Variants in REDIC1 observed in about 807,000 individuals in gnomAD.
REDIC1 encodes HEI10 Interacting Protein 1.
the REDIC1 span, among the ~76,000 whole-genome samples, chr12:39,791,253 C>T: frequency 2.9e-5 from 4 of 139,852 alleles, no homozygotes; most frequent in Non-Finnish European, 1.6e-5. Context: ...TATGACAAAC[C>T]CACAGCCAAT....
At chr12:39,867,827 A>G in the REDIC1 span, among the ~76,000 whole-genome samples, 4 of 152,212 alleles carry the variant, frequency 2.6e-5, no homozygotes, top group East Asian at 7.7e-4. Context: ...CAGAGTCTCC[A>G]GAAGATCAGT....
the REDIC1 span, among the ~76,000 whole-genome samples, chr12:39,768,109 G>A: frequency 6.6e-6 from 1 of 152,102 alleles, no homozygotes; most frequent in East Asian, 1.9e-4. Flanking sequence ...TTGCAACAAG[G>A]TGTGAAGTGA....
the REDIC1 span, among the ~76,000 whole-genome samples, chr12:39,738,755 T>G: frequency 6.6e-6 from 1 of 152,160 alleles, no homozygotes; most frequent in African/African-American, 2.4e-5. Context: ...TGGTTATTAT[T>G]TCCTTGGGCT....
At chr12:39,842,790 C>T in the REDIC1 span, among the ~76,000 whole-genome samples, 1 of 151,928 alleles carries the variant, frequency 6.6e-6, no homozygotes, top group African/African-American at 2.4e-5. Flanking sequence ...TTTTCATCAC[C>T]CCCTGGCAAC....
chr12:39,829,809 GA>G, the REDIC1 span: 4 of 357,774 alleles, frequency 1.1e-5, no homozygotes, highest in Admixed American at 1.6e-4. Context: ...TGCAGTGGGA[GA>G]AATTGCCTTG....
chr12:39,851,524 A>G, the REDIC1 span, among the ~76,000 whole-genome samples: 3 of 152,230 alleles, frequency 2.0e-5, no homozygotes, highest in Non-Finnish European at 4.4e-5. Flanking sequence ...CCTAATGTAC[A>G]ACACCATTTC....
At chr12:39,723,227 A>G in the REDIC1 span, among the ~76,000 whole-genome samples, 2 of 152,088 alleles carry the variant, frequency 1.3e-5, no homozygotes, top group South Asian at 4.1e-4. Flanking sequence ...GTATCCTTTT[A>G]CTATAATAAA....
chr12:39,646,572 T>TGTTTGGCTGTTAACA, the REDIC1 span: 2 of 1,060,074 alleles, frequency 1.9e-6, no homozygotes. Context: ...AGTTTTTGTT[T>TGTTTGGCTGTTAACA]GTTTGGCTGT....
chr12:39,850,990 C>A, the REDIC1 span, among the ~76,000 whole-genome samples: 1 of 151,800 alleles, frequency 6.6e-6, no homozygotes, highest in South Asian at 2.1e-4. Context: ...ACCTCTACCT[C>A]CTGGGTTCAA....
the REDIC1 span, among the ~76,000 whole-genome samples, chr12:39,859,505 C>T: frequency 6.6e-6 from 1 of 151,872 alleles, no homozygotes; most frequent in African/African-American, 2.4e-5. Flanking sequence ...CTGGTTAAGA[C>T]TCTTAATTGA....
the REDIC1 span, among the ~76,000 whole-genome samples, chr12:39,768,382 A>G: frequency 6.6e-6 from 1 of 152,120 alleles, no homozygotes; most frequent in Non-Finnish European, 1.5e-5. Context: ...ATATCCTTTA[A>G]GAATTTTCTT....
chr12:39,789,560 A>T, the REDIC1 span, among the ~76,000 whole-genome samples: 8 of 152,152 alleles, frequency 5.3e-5, no homozygotes, highest in Admixed American at 5.2e-4. Context: ...AAATATGGGA[A>T]AACAGAATAA....
At chr12:39,682,059 T>C in the REDIC1 span, among the ~76,000 whole-genome samples, 1 of 152,202 alleles carries the variant, frequency 6.6e-6, no homozygotes, top group Admixed American at 6.5e-5. Flanking sequence ...AATTAGTTTT[T>C]ATCTAATTCA....
chr12:39,729,074 G>T, the REDIC1 span, among the ~76,000 whole-genome samples: 1 of 151,806 alleles, frequency 6.6e-6, no homozygotes, highest in Non-Finnish European at 1.5e-5. Flanking sequence ...TCTGGCTAGT[G>T]GTCTATCTAT....
the REDIC1 span, among the ~76,000 whole-genome samples, chr12:39,826,636 T>A: frequency 6.6e-6 from 1 of 151,402 alleles, no homozygotes; most frequent in South Asian, 2.1e-4. Context: ...TTTTAAAAAC[T>A]CATTAGAAGG....
At chr12:39,870,332 A>G in the REDIC1 span, among the ~76,000 whole-genome samples, 1 of 152,192 alleles carries the variant, frequency 6.6e-6, no homozygotes, top group Non-Finnish European at 1.5e-5. Context: ...AGCAAATCCA[A>G]TTTCCAGCCC....
the REDIC1 span, among the ~76,000 whole-genome samples, chr12:39,712,313 T>G: frequency 2.2e-5 from 1 of 45,348 alleles, no homozygotes; most frequent in Non-Finnish European, 6.7e-5. Context: ...TACATATATA[T>G]GTATATATAC....
chr12:39,861,988 C>CT, the REDIC1 span, among the ~76,000 whole-genome samples: 3 of 152,246 alleles, frequency 2.0e-5, no homozygotes, highest in East Asian at 5.8e-4. Context: ...AGGTATTAAG[C>CT]CCCGCATGCA....
chr12:39,707,035 T>TA, the REDIC1 span, among the ~76,000 whole-genome samples: 1 of 151,598 alleles, frequency 6.6e-6, no homozygotes, highest in Non-Finnish European at 1.5e-5. Context: ...CACATCAAGT[T>TA]AAAAAACTTC....
Sources: gnomAD v4.1 joint callset for allele counts (sites outside exome capture counted in the v4.1 genomes callset) on GRCh38, gnomAD v4.1.1 for gene constraint, MANE v1.5 for transcripts, NCBI Gene and HGNC (gene_info 2026-07-23, HGNC 2026-07-21) for gene names.